Variants in FYB2 observed in about 807,000 individuals in gnomAD.
FYB2 encodes FYN-binding protein 2.
In FYB2, 103 loss-of-function variants were observed where a neutral mutation model predicts 94.1. That is an observed-to-expected ratio of 1.09 (90% CI 0.93 to 1.29). The LOEUF (loss-of-function observed/expected upper bound fraction) is 1.29. Ranked by LOEUF, FYB2 falls within the 50% of genes most tolerant of loss-of-function variation. The probability of loss-of-function intolerance (pLI) is 0.00; values close to 1 mark genes in which losing one functional copy is unlikely to be tolerated. For missense variants in FYB2, 896 were observed against 841.5 expected (o/e 1.06, Z -0.80); for synonymous variants, 293 against 287.9 (o/e 1.02, Z -0.18).
Position 56,737,073 on chromosome 1 carries a change from G to T in FYB2, c.1793+14C>A. 1 of 1,573,706 alleles carries T rather than the reference G, an allele frequency of 6.4e-7. No individual in the cohort carries two copies. The highest frequency in any genetic ancestry group is 8.7e-7 in the Non-Finnish European group (1 of 1,146,628). On this transcript the variant is annotated intron_variant, in intron 15 of 19. Coordinates refer to ENST00000343433, the MANE Select transcript of FYB2 (RefSeq NM_001004303.5). ...AAATATCAGCAGGGATGACCAATAA[G>T]GTAAATTACTTACTTTGACTCTTTT...
At chr1:56,808,056 GATT>G in intron 1 of FYB2, among the ~76,000 whole-genome samples, 1 of 152,206 alleles carries the variant, frequency 6.6e-6, no homozygotes, top group African/African-American at 2.4e-5. Context: ...GGTAAGTTTG[GATT>G]TAACAATGAG....
At chr1:56,731,563 A>G (rs766196006) in intron 15 of FYB2, among the ~76,000 whole-genome samples, 16 of 152,078 alleles carry the variant, frequency 1.1e-4, no homozygotes, top group Non-Finnish European at 2.2e-4. Context: ...AGCTCAGCTC[A>G]TGAATCACTG....
intron 1 of FYB2, among the ~76,000 whole-genome samples, chr1:56,813,669 C>T (rs1646817252): frequency 6.6e-6 from 1 of 152,144 alleles, no homozygotes; most frequent in Admixed American, 6.5e-5. Context: ...GTGGGTGACA[C>T]AATTTGACCC....
chr1:56,751,347 C>T (rs1645194273), intron 8 of FYB2, 144 bp from the exon 9 acceptor site: 16 of 961,662 alleles, frequency 1.7e-5, no homozygotes, highest in Non-Finnish European at 2.4e-5. Context: ...TTACTAGACT[C>T]TAAGTTTCCT....
intron 5 of FYB2, 25 bp downstream of exon 5, chr1:56,767,804 C>A (rs750091354): frequency 1.3e-6 from 2 of 1,503,358 alleles, no homozygotes; most frequent in Non-Finnish European, 1.8e-6. Context: ...CAGGGTTACA[C>A]TATTAATTGG....
chr1:56,722,388 G>A (rs974343147), intron 17 of FYB2, among the ~76,000 whole-genome samples: 1 of 152,118 alleles, frequency 6.6e-6, no homozygotes, highest in Non-Finnish European at 1.5e-5. Flanking sequence ...GGAGCTCATA[G>A]TGTAATATGA....
intron 2 of FYB2, 77 bp downstream of exon 2, chr1:56,791,979 T>C: frequency 6.6e-7 from 1 of 1,505,944 alleles, no homozygotes; most frequent in Non-Finnish European, 8.8e-7. Context: ...ATAACCACTC[T>C]GAATCAACAG....
chr1:56,742,273 G>C (rs759702164), intron 11 of FYB2, 52 bp from the exon 12 acceptor site: 7 of 1,362,512 alleles, frequency 5.1e-6, no homozygotes, highest in Non-Finnish European at 7.2e-6. Context: ...CAATAGTTCA[G>C]ATTCATATTT....
chr1:56,765,984 G>C (rs1276217420), intron 5 of FYB2, among the ~76,000 whole-genome samples: 3 of 152,176 alleles, frequency 2.0e-5, no homozygotes, highest in African/African-American at 7.2e-5. Flanking sequence ...ACGTGGTCCA[G>C]AGAGAGAAGG....
At chr1:56,754,645 G>A (rs1645281853) in intron 7 of FYB2, among the ~76,000 whole-genome samples, 1 of 152,056 alleles carries the variant, frequency 6.6e-6, no homozygotes, top group Non-Finnish European at 1.5e-5. Context: ...TCACTTCTGT[G>A]TTGTTAAACT....
chr1:56,792,835 A>C (rs900093064), intron 1 of FYB2, 32 bp from the exon 2 acceptor site: 1 of 1,547,678 alleles, frequency 6.5e-7, no homozygotes, highest in Non-Finnish European at 8.7e-7. Context: ...CAAACAAACA[A>C]AAACAAAAAC....
chr1:56,732,899 A>G (rs1644742421), intron 15 of FYB2, among the ~76,000 whole-genome samples: 1 of 151,918 alleles, frequency 6.6e-6, no homozygotes, highest in Non-Finnish European at 1.5e-5. Flanking sequence ...AAAACAGGGG[A>G]AACACTTCAG....
intron 1 of FYB2, among the ~76,000 whole-genome samples, chr1:56,795,945 A>G (rs188285156): frequency 3.7e-4 from 57 of 152,348 alleles, no homozygotes; most frequent in Admixed American, 3.4e-3. Flanking sequence ...AAGTATCTAC[A>G]TACAGACCAA....
intron 1 of FYB2, among the ~76,000 whole-genome samples, chr1:56,813,334 G>A (rs1646809579): frequency 6.6e-6 from 1 of 152,106 alleles, no homozygotes; most frequent in Non-Finnish European, 1.5e-5. Context: ...GAAGGCAAAG[G>A]AGGAAGGGAA....
chr1:56,761,279 C>A (rs2066370), intron 5 of FYB2, among the ~76,000 whole-genome samples: 1 of 151,994 alleles, frequency 6.6e-6, no homozygotes, highest in Non-Finnish European at 1.5e-5. Context: ...AGGCACTATG[C>A]CAAGCATTTA....
intron 3 of FYB2, among the ~76,000 whole-genome samples, chr1:56,787,858 C>A (rs1354901791): frequency 6.6e-6 from 1 of 152,152 alleles, no homozygotes; most frequent in Admixed American, 6.5e-5. Context: ...ATATTTGAGG[C>A]CTGAATTATT....
chr1:56,747,255 CT>C (rs910662115), intron 9 of FYB2, among the ~76,000 whole-genome samples: 43 of 146,798 alleles, frequency 2.9e-4, no homozygotes, highest in Middle Eastern at 3.5e-3. Context: ...TCTTTTTTAA[CT>C]TTTTTTTTTT....
At chr1:56,723,837 T>C (rs182072218) in intron 16 of FYB2, among the ~76,000 whole-genome samples, 156 bp from the exon 17 acceptor site, 236 of 146,434 alleles carry the variant, frequency 1.6e-3, no homozygotes, top group Non-Finnish European at 2.5e-4. Context: ...GCATCTGTAT[T>C]TGTGTATATG....
intron 4 of FYB2, among the ~76,000 whole-genome samples, chr1:56,773,999 C>T (rs1384275634): frequency 2.0e-5 from 3 of 152,066 alleles, no homozygotes; most frequent in Admixed American, 6.6e-5. Flanking sequence ...AAATCCTTCC[C>T]TTGAATGAAA....
Sources: allele counts gnomAD v4.1 joint callset (sites outside exome capture counted in the v4.1 genomes callset), GRCh38; gene constraint gnomAD v4.1.1; transcripts MANE v1.5; gene names NCBI Gene and HGNC (gene_info 2026-07-23, HGNC 2026-07-21).